Variants in KDM7A observed in about 807,000 individuals in gnomAD.
KDM7A encodes lysine-specific demethylase 7A.
KDM7A carries 28 observed loss-of-function variants against 114.8 expected under a neutral mutation model. That is an observed-to-expected ratio of 0.24 (90% CI 0.18 to 0.33). The LOEUF (loss-of-function observed/expected upper bound fraction) is 0.33, where lower values mean the gene tolerates loss of function less well. KDM7A is among the 10% of genes least tolerant of loss of function. KDM7A has a pLI of 1.00. For synonymous variants in KDM7A, 423 were observed against 397.8 expected, an observed-to-expected ratio of 1.06 and a Z score of -0.75; for missense variants, 942 against 1,142.5, an observed-to-expected ratio of 0.82 and a Z score of 2.53.
chr7:140,167,477 A>G (rs184585625), intron 1 of KDM7A, among the ~76,000 whole-genome samples: 3 of 152,328 alleles, frequency 2.0e-5, no homozygotes, highest in Non-Finnish European at 2.9e-5. Context: ...ACATATGACT[A>G]TTATATATAA....
At chr7:140,123,258 T>G (rs956218453) in intron 7 of KDM7A, among the ~76,000 whole-genome samples, 2 of 152,176 alleles carry the variant, frequency 1.3e-5, no homozygotes, top group African/African-American at 4.8e-5. Context: ...GTGCAGCCAT[T>G]TGGAGAACGG....
Position 140,088,066 on chromosome 7 carries a change from A to G in KDM7A, c.*3028T>C, listed in dbSNP as rs1203993779. On this transcript the variant is annotated 3_prime_UTR_variant, in exon 20 of 20. Coordinates refer to ENST00000397560, the MANE Select transcript of KDM7A (RefSeq NM_030647.2). ...ACAGTAGACTATAATTGAAAAGGCA[A>G]TAATTAGGATTATTTAAAAATAGAA... 1 of 153,228 alleles carries G rather than the reference A, an allele frequency of 6.5e-6. No individual in the cohort carries two copies. Among genetic ancestry groups the G allele is most frequent in the Non-Finnish European group, 1.5e-5 (1 of 68,788 alleles). The allele number at this position is 153,228 out of a possible 1,614,324, so 9.5% of individuals were successfully genotyped here.
rs1023249768 is a variant in KDM7A, at chr7:140,084,925, A to G, written c.*6169T>C. On this transcript the variant is annotated 3_prime_UTR_variant, in exon 20 of 20. Coordinates refer to ENST00000397560, the MANE Select transcript of KDM7A (RefSeq NM_030647.2). ...AGAAATTGGAAAGAATACTAAATAC[A>G]ACTTTAAACAAGTCACTTGTCCTCC... 12 of 152,258 alleles carry G rather than the reference A, an allele frequency of 7.9e-5. No individual in the cohort carries two copies. The highest frequency in any genetic ancestry group is 1.6e-4 in the Non-Finnish European group (11 of 68,048). The allele number at this position is 152,258 out of a possible 1,614,324, so 9.4% of individuals were successfully genotyped here. A position where few individuals can be genotyped will look rare whatever the true frequency, so the allele number is the denominator to read the frequency against.
intron 9 of KDM7A, among the ~76,000 whole-genome samples, chr7:140,115,142 G>C (rs940430605): frequency 2.6e-5 from 4 of 151,160 alleles, no homozygotes; most frequent in African/African-American, 4.9e-5. Context: ...GCCAGCCCCC[G>C]GCCAGCCAGC....
At chr7:140,173,118 A>C (rs1794665297) in intron 1 of KDM7A, among the ~76,000 whole-genome samples, 1 of 152,172 alleles carries the variant, frequency 6.6e-6, no homozygotes, top group African/African-American at 2.4e-5. Context: ...TCTAGCCTGG[A>C]GATAAGGGAG....
intron 14 of KDM7A, 106 bp from the exon 15 acceptor site, chr7:140,097,748 C>G (rs1159605708): frequency 3.2e-6 from 2 of 626,880 alleles, no homozygotes; most frequent in Non-Finnish European, 5.8e-6. Flanking sequence ...GTCTCTCAAT[C>G]TCTCTTGCTC....
intron 7 of KDM7A, among the ~76,000 whole-genome samples, chr7:140,122,451 G>A (rs6960874): frequency 0.35 from 52,469 of 151,930 alleles, 9,301 homozygotes; most frequent in Middle Eastern, 0.43. Flanking sequence ...TTCACAATGT[G>A]AATGAGCCCA....
chr7:140,106,887 G>A (rs1235989340), intron 11 of KDM7A, among the ~76,000 whole-genome samples: 9 of 152,178 alleles, frequency 5.9e-5, no homozygotes, highest in Admixed American at 2.6e-4. Context: ...ACAGTGGGGT[G>A]TTGAAGTCTC....
At chr7:140,147,386 T>C (rs1190121681) in intron 1 of KDM7A, among the ~76,000 whole-genome samples, 4 of 152,204 alleles carry the variant, frequency 2.6e-5, no homozygotes, top group Admixed American at 2.6e-4. Flanking sequence ...AGAATTTTCT[T>C]AAAATTCTTA....
intron 10 of KDM7A, among the ~76,000 whole-genome samples, chr7:140,112,723 A>G (rs1455313058): frequency 1.3e-5 from 2 of 152,228 alleles, no homozygotes; most frequent in East Asian, 1.9e-4. Context: ...AAAGATGAGA[A>G]AGACAGTCCC....
At chr7:140,133,502 T>C (rs1172726094) in intron 3 of KDM7A, 37 bp downstream of exon 3, 2 of 1,183,350 alleles carry the variant, frequency 1.7e-6, no homozygotes, top group East Asian at 2.3e-5. Context: ...CATTCTTACA[T>C]TCTTACATTT....
Position 140,102,035 on chromosome 7 carries a change from A to G in KDM7A, c.1554T>C (p.Asn518=), listed in dbSNP as rs759859549. 6.3e-5 allele frequency: 102 copies of G among 1,614,084 alleles called. 1 individual carries two copies. The East Asian group carries it at 1.6e-3, about 25-fold the overall frequency. Residue 518 remains asparagine (N), a synonymous_variant, in exon 12 of 20, where the codon AAT becomes AAC. Coordinates refer to ENST00000397560, the MANE Select transcript of KDM7A (RefSeq NM_030647.2). ...RRKMRKLRDH[N]VRTPSNLDIL... ...TGTCTAGGTTAGAAGGAGTTCGGACATTATGATCTCGAAGTTTCCTCATCT... is the reference window on the plus strand; with the variant it reads ...TGTCTAGGTTAGAAGGAGTTCGGACGTTATGATCTCGAAGTTTCCTCATCT...
chr7:140,133,223 T>C (rs1016873399), intron 3 of KDM7A, among the ~76,000 whole-genome samples: 1 of 152,162 alleles, frequency 6.6e-6, no homozygotes, highest in African/African-American at 2.4e-5. Flanking sequence ...AGGAACCAAG[T>C]ACTGGGAACA....
chr7:140,129,739 T>A, intron 3 of KDM7A, 86 bp from the exon 4 acceptor site: 1 of 768,954 alleles, frequency 1.3e-6, no homozygotes, highest in Non-Finnish European at 2.2e-6. Context: ...TTAATTCATA[T>A]ACTGGATTAT....
In KDM7A at chr7:140,143,033, T is replaced by C. The variant is rs534096058; in HGVS notation, c.195-3843A>G. Among the ~76,000 whole-genome samples the C allele has an allele frequency of 3.3e-5, 5 of 151,810 alleles. 1 individual carries two copies. The South Asian group carries it at 1.0e-3, about 32-fold the overall frequency. ...CATCTCTACTAAAAATACAAAAAATTAGCCGGGCGTGGTGGTGGGCGCCTG... is the reference window on the plus strand; with the variant it reads ...CATCTCTACTAAAAATACAAAAAATCAGCCGGGCGTGGTGGTGGGCGCCTG... On this transcript the variant is annotated intron_variant, in intron 1 of 19. Transcript: ENST00000397560.
intron 1 of KDM7A, among the ~76,000 whole-genome samples, chr7:140,144,882 T>C (rs1164040346): frequency 6.6e-6 from 1 of 152,092 alleles, no homozygotes; most frequent in Non-Finnish European, 1.5e-5. Context: ...TAAAAATGTA[T>C]AGCACCTCCC....
At position 140,129,572 on chromosome 7, in the gene KDM7A, A is replaced by C. The variant is rs756830375; in HGVS notation, c.480T>G (p.Ile160Met). The part of the protein sequence containing the change: ...YLEKHGFDVP[I>M]MVPKLDDLGL... ...CTAGATCATCTAATTTTGGGACCAT[A>C]ATAGGGACATCAAATCCATGTTTCT... Residue 160 changes from isoleucine (I) to methionine (M), a missense_variant, in exon 4 of 20, where the codon ATT becomes ATG. Ile to Met is a conservative substitution (Grantham distance 10). Coordinates refer to ENST00000397560, the MANE Select transcript of KDM7A (RefSeq NM_030647.2). 1 of 1,611,432 alleles carries C rather than the reference A, an allele frequency of 6.2e-7. No individual in the cohort carries two copies. Among genetic ancestry groups the C allele is most frequent in the African/African-American group, 1.3e-5 (1 of 74,872 alleles).
intron 1 of KDM7A, among the ~76,000 whole-genome samples, chr7:140,151,116 C>G (rs2116835858): frequency 6.6e-6 from 1 of 152,158 alleles, no homozygotes; most frequent in African/African-American, 2.4e-5. Flanking sequence ...CAGGCGTGAG[C>G]CACCGTGCCC....
intron 11 of KDM7A, among the ~76,000 whole-genome samples, chr7:140,109,429 G>A (rs1442028002): frequency 6.6e-6 from 1 of 152,198 alleles, no homozygotes; most frequent in Non-Finnish European, 1.5e-5. Flanking sequence ...CTTTTATAAG[G>A]CTGAGTAGTA....
Sources: gnomAD v4.1 joint callset for allele counts (sites outside exome capture counted in the v4.1 genomes callset) on GRCh38, gnomAD v4.1.1 for gene constraint, MANE v1.5 for transcripts, NCBI Gene and HGNC (gene_info 2026-07-23, HGNC 2026-07-21) for gene names.